Variants in KALRN observed in about 807,000 individuals in gnomAD.
KALRN encodes the protein kalirin RhoGEF kinase.
A neutral mutation model predicts 353.7 loss-of-function variants in KALRN; 70 were observed. The ratio of observed to expected loss-of-function variants is 0.20; its 90% CI spans 0.16 to 0.24. The LOEUF (loss-of-function observed/expected upper bound fraction) is 0.24. Among genes scored for constraint, KALRN ranks in the 10% least tolerant of loss-of-function variants. The pLI, the probability that KALRN is intolerant of heterozygous loss-of-function variation, is 1.00. For synonymous variants in KALRN, 1,391 were observed against 1,434.8 expected (o/e 0.97, Z 0.69); for missense variants, 2,791 against 3,756.7 (o/e 0.74, Z 6.72).
intron 13 of KALRN, among the ~76,000 whole-genome samples, chr3:124,411,461 T>TTTTTTTTTTAA (rs869188737): frequency 1.0e-5 from 1 of 96,100 alleles, no homozygotes; most frequent in Non-Finnish European, 2.2e-5. Flanking sequence ...TTTTTTTTTT[T>TTTTTTTTTTAA]AAGAAACAGG....
chr3:124,435,850 T>C (rs1299137172), intron 17 of KALRN, among the ~76,000 whole-genome samples: 2 of 152,074 alleles, frequency 1.3e-5, no homozygotes, highest in African/African-American at 2.4e-5. Context: ...GATTCTAAGA[T>C]CTATATGGAA....
chr3:124,154,153 G>A (rs2068618454), intron 1 of KALRN, among the ~76,000 whole-genome samples: 1 of 152,154 alleles, frequency 6.6e-6, no homozygotes, highest in Admixed American at 6.5e-5. Context: ...TTTGGCTTTT[G>A]TTGCCATTGC....
chr3:124,542,556 CTTG>C (rs1341739574), intron 33 of KALRN, among the ~76,000 whole-genome samples: 1 of 152,144 alleles, frequency 6.6e-6, no homozygotes, highest in East Asian at 1.9e-4. Flanking sequence ...ATGACTACCC[CTTG>C]TTGTCAGAAT....
chr3:124,393,856 G>A (rs189640569), intron 11 of KALRN, among the ~76,000 whole-genome samples: 12 of 152,194 alleles, frequency 7.9e-5, no homozygotes, highest in African/African-American at 2.9e-4. Context: ...CGCATCTAGG[G>A]CTTCTCTATC....
In KALRN at chr3:124,664,061, G is replaced by A. The variant is rs537078264; in HGVS notation, c.6345+2133G>A. ...GACATTAGTGTAAGCAGGGTTACTC[G>A]GCAGACACACACTGAGTTCTTAACC... On this transcript the variant is annotated intron_variant, in intron 45 of 59. Transcript: ENST00000682506. Among the ~76,000 whole-genome samples the A allele has an allele frequency of 1.4e-4, 21 of 152,172 alleles. No homozygotes were observed. In the East Asian group the frequency reaches 3.1e-3, roughly 22 times the overall value.
At chr3:124,409,102 G>GT (rs1026383744) in intron 13 of KALRN, among the ~76,000 whole-genome samples, 55 of 152,298 alleles carry the variant, frequency 3.6e-4, no homozygotes, top group African/African-American at 1.3e-3. Flanking sequence ...TATTGCCAAT[G>GT]TATCTGTCAA....
intron 27 of KALRN, among the ~76,000 whole-genome samples, chr3:124,479,696 A>G (rs2061768895): frequency 1.3e-5 from 2 of 150,740 alleles, no homozygotes; most frequent in South Asian, 4.2e-4. Flanking sequence ...AGAAAGGCTT[A>G]CACATTCACA....
chr3:124,261,443 C>T (rs1580194569), intron 3 of KALRN, among the ~76,000 whole-genome samples: 1 of 152,198 alleles, frequency 6.6e-6, no homozygotes, highest in East Asian at 1.9e-4. Flanking sequence ...AAACCAAACA[C>T]ACAAAGCACC....
intron 58 of KALRN, among the ~76,000 whole-genome samples, chr3:124,715,015 CA>C (rs57167927): frequency 0.12 from 15,650 of 126,410 alleles, 1,459 homozygotes; most frequent in African/African-American, 0.31. Flanking sequence ...GACTCCATCT[CA>C]AAAAAAAAAA....
intron 6 of KALRN, among the ~76,000 whole-genome samples, chr3:124,320,041 G>T (rs949764415): frequency 2.0e-5 from 3 of 152,022 alleles, no homozygotes; most frequent in Non-Finnish European, 4.4e-5. Context: ...GTAGTATTTG[G>T]GTGTGCTTCC....
At chr3:124,541,081 C>T (rs987642477) in intron 33 of KALRN, among the ~76,000 whole-genome samples, 2 of 151,896 alleles carry the variant, frequency 1.3e-5, no homozygotes, top group Non-Finnish European at 2.9e-5. Context: ...CCGTCTTTGG[C>T]GACAGAACTG....
intron 2 of KALRN, among the ~76,000 whole-genome samples, chr3:124,230,848 C>G (rs1157764181): frequency 3.1e-5 from 4 of 130,106 alleles, no homozygotes; most frequent in Non-Finnish European, 6.5e-5. Flanking sequence ...ACAAAAAAAC[C>G]CCCAAAACCA....
chr3:124,145,013 G>A (rs1254143893), intron 1 of KALRN, among the ~76,000 whole-genome samples: 1 of 152,114 alleles, frequency 6.6e-6, no homozygotes, highest in Non-Finnish European at 1.5e-5. Context: ...GGTGAGGGTG[G>A]ACTAAGTCAG....
rs761697156 is a variant in KALRN at position 124,496,361 on chromosome 3, A to ACACCAT, written c.4885_4890dup (p.Thr1629_Ile1630dup). 6.2e-7 allele frequency: 1 copy of ACACCAT among 1,613,536 alleles called. No homozygotes were observed. Among genetic ancestry groups the ACACCAT allele is most frequent in the Admixed American group, 1.7e-5 (1 of 59,964 alleles). ...CAGGGGGATGGGAGCAGCCAACCAGACACCATCTCCATTGCTTCTAGGACC... is the reference window on the plus strand; with the variant it reads ...CAGGGGGATGGGAGCAGCCAACCAGACACCATCACCATCTCCATTGCTTCTAGGACC... On this transcript the variant is annotated inframe_insertion, in exon 33 of 60. Transcript: ENST00000682506.
chr3:124,669,100 G>A (rs895968525), intron 47 of KALRN, among the ~76,000 whole-genome samples: 1 of 152,136 alleles, frequency 6.6e-6, no homozygotes, highest in African/African-American at 2.4e-5. Context: ...AACATGGAGA[G>A]GTAAGTACTA....
At chr3:124,505,018 G>A (rs965577010) in intron 33 of KALRN, 1 of 474,184 alleles carries the variant, frequency 2.1e-6, no homozygotes, top group Admixed American at 2.3e-5. Context: ...TGGAGGGAGG[G>A]GAGGGGAGAG....
intron 1 of KALRN, among the ~76,000 whole-genome samples, chr3:124,097,717 T>C (rs998568977): frequency 6.6e-5 from 10 of 152,266 alleles, no homozygotes; most frequent in Non-Finnish European, 1.3e-4. Flanking sequence ...CCCCTATCAC[T>C]GTTCAGCTAA....
At chr3:124,381,414 A>G (rs969357867) in intron 10 of KALRN, among the ~76,000 whole-genome samples, 4 of 152,188 alleles carry the variant, frequency 2.6e-5, no homozygotes, top group Non-Finnish European at 4.4e-5. Context: ...CCGTGTCAAG[A>G]CATTTTACCC....
intron 34 of KALRN, among the ~76,000 whole-genome samples, chr3:124,620,587 G>A (rs1458260662): frequency 6.6e-6 from 1 of 152,228 alleles, no homozygotes; most frequent in Non-Finnish European, 1.5e-5. Flanking sequence ...TGCTTTCACT[G>A]ACTTTTGCTT....
Sources: allele counts gnomAD v4.1 joint callset (sites outside exome capture counted in the v4.1 genomes callset), GRCh38; gene constraint gnomAD v4.1.1; transcripts MANE v1.5; gene names NCBI Gene and HGNC (gene_info 2026-07-23, HGNC 2026-07-21).